Variants in LINC00632 observed in about 807,000 individuals in gnomAD.
The protein encoded by LINC00632 is long independently transcribed non-coding RNA 632.
chrX:140,726,300 C>G (rs1454871294), intron 2 of LINC00632, among the ~76,000 whole-genome samples: 2 of 111,206 alleles, frequency 1.8e-5, no homozygotes, highest in Non-Finnish European at 3.8e-5. Flanking sequence ...AACACATGGA[C>G]ACACCCAAAA....
exon 5 of LINC00632, among the ~76,000 whole-genome samples, chrX:140,790,682 T>C (rs1227808499): frequency 1.8e-5 from 2 of 111,308 alleles, no homozygotes; most frequent in Non-Finnish European, 3.8e-5. Context: ...TAACGAGGGA[T>C]CTGTCTCAAT....
intron 3 of LINC00632, among the ~76,000 whole-genome samples, chrX:140,740,327 T>A (rs760416966): frequency 3.3e-4 from 37 of 111,761 alleles, no homozygotes; most frequent in African/African-American, 1.2e-3. Context: ...GACTGAAGGG[T>A]CTAAGAAGGG....
intron 1 of LINC00632, chrX:140,711,552 G>T: frequency 3.7e-6 from 1 of 273,207 alleles, no homozygotes; most frequent in Admixed American, 4.8e-5. Context: ...TATTTTTGCT[G>T]TTATAAATAA....
intron 3 of LINC00632, among the ~76,000 whole-genome samples, chrX:140,756,863 A>G (rs1931503068): frequency 2.7e-5 from 3 of 111,320 alleles, no homozygotes; most frequent in South Asian, 7.7e-4. Flanking sequence ...CATTTTGACA[A>G]GTGTTTAGTG....
intron 2 of LINC00632, among the ~76,000 whole-genome samples, chrX:140,713,190 A>T (rs545997228): frequency 3.2e-4 from 35 of 108,496 alleles, no homozygotes; most frequent in South Asian, 1.6e-3. Flanking sequence ...TTTTTTTTTT[A>T]AATAAAGCTT....
At chrX:140,778,634 A>G (rs971159141) in exon 5 of LINC00632, among the ~76,000 whole-genome samples, 1 of 107,912 alleles carries the variant, frequency 9.3e-6, no homozygotes, top group Non-Finnish European at 2.0e-5. Flanking sequence ...AAAAAAAAAA[A>G]AGAACTGTTT....
chrX:140,711,259 A>G (rs1930509983), intron 1 of LINC00632, among the ~76,000 whole-genome samples: 1 of 111,675 alleles, frequency 9.0e-6, no homozygotes, highest in South Asian at 3.8e-4. Context: ...TATAAAAATT[A>G]CCCATAATCC....
chrX:140,769,602 TAATATC>T (rs1931755452), intron 3 of LINC00632, among the ~76,000 whole-genome samples: 1 of 111,224 alleles, frequency 9.0e-6, no homozygotes, highest in African/African-American at 3.3e-5. Flanking sequence ...ACCCTTTCGT[TAATATC>T]AAGACAGCTA....
chrX:140,729,877 C>CTTTTTTTTT (rs1207034823), intron 2 of LINC00632, among the ~76,000 whole-genome samples: 3 of 90,855 alleles, frequency 3.3e-5, no homozygotes, highest in Non-Finnish European at 6.5e-5. Flanking sequence ...TTTCTTTTTT[C>CTTTTTTTTT]TTTTTTTTTT....
chrX:140,718,838 C>A (rs1182321624), intron 2 of LINC00632, among the ~76,000 whole-genome samples: 2 of 112,134 alleles, frequency 1.8e-5, no homozygotes, highest in Non-Finnish European at 3.8e-5. Flanking sequence ...GAAACTCATT[C>A]ATGAAAAGAC....
At chrX:140,762,005 A>C in intron 3 of LINC00632, among the ~76,000 whole-genome samples, 1 of 111,838 alleles carries the variant, frequency 8.9e-6, no homozygotes, top group South Asian at 3.7e-4. Flanking sequence ...GCCAATGTTT[A>C]CACTCAGTTT....
intron 3 of LINC00632, among the ~76,000 whole-genome samples, chrX:140,748,406 T>C (rs1326334759): frequency 8.9e-6 from 1 of 111,986 alleles, no homozygotes; most frequent in African/African-American, 3.2e-5. Flanking sequence ...TTCACTTTAA[T>C]GGCTGCAGGT....
intron 1 of LINC00632, among the ~76,000 whole-genome samples, chrX:140,710,465 A>AC (rs1930492195): frequency 9.0e-6 from 1 of 111,325 alleles, no homozygotes; most frequent in Non-Finnish European, 1.9e-5. Context: ...CATTGGAAAA[A>AC]ATTAATTTGT....
At chrX:140,726,870 C>A (rs1314597786) in intron 2 of LINC00632, among the ~76,000 whole-genome samples, 1 of 111,944 alleles carries the variant, frequency 8.9e-6, no homozygotes, top group Admixed American at 9.6e-5. Flanking sequence ...CATCTGCTCA[C>A]ATTCTCAAAC....
At chrX:140,771,685 A>ATATT (rs1417040262) in intron 3 of LINC00632, among the ~76,000 whole-genome samples, 91 of 61,610 alleles carry the variant, frequency 1.5e-3, no homozygotes, top group African/African-American at 6.4e-3. Context: ...ATATATATAT[A>ATATT]TTTTTTTTTT....
intron 2 of LINC00632, among the ~76,000 whole-genome samples, chrX:140,715,360 C>T (rs1266786985): frequency 1.8e-5 from 2 of 111,333 alleles, no homozygotes; most frequent in African/African-American, 6.5e-5. Context: ...TTTGGGAGTC[C>T]GAGGCGGGCG....
In LINC00632 at chrX:140,743,876, T is replaced by C. The variant is rs1931282108; in HGVS notation, n.191+9912T>C. ...TTTTTAGGTGTTGCTACTGACTGTGTAGACCTGGGAATATCAGAAATTGCT... is the reference window on the plus strand; with the variant it reads ...TTTTTAGGTGTTGCTACTGACTGTGCAGACCTGGGAATATCAGAAATTGCT... On this transcript the variant is annotated intron_variant and non_coding_transcript_variant, in intron 3 of 4. Coordinates refer to ENST00000648200, the Ensembl canonical transcript of LINC00632. Among the ~76,000 whole-genome samples the C allele has an allele frequency of 1.8e-5, 2 of 111,628 alleles. 1 individual carries two copies. The highest frequency in any genetic ancestry group is 6.5e-5 in the African/African-American group (2 of 30,655).
At chrX:140,723,804 A>ATTC (rs751691203) in intron 2 of LINC00632, among the ~76,000 whole-genome samples, 1 of 759 alleles carries the variant, frequency 1.3e-3, no homozygotes, top group African/African-American at 4.2e-3. Flanking sequence ...ATACACACAC[A>ATTC]CATACACAGA....
At chrX:140,760,824 G>A (rs900098443) in intron 3 of LINC00632, among the ~76,000 whole-genome samples, 3 of 111,652 alleles carry the variant, frequency 2.7e-5, no homozygotes, top group African/African-American at 9.8e-5. Context: ...TGTCATGTCC[G>A]AGCTAGAGAG....
Sources: gnomAD v4.1 joint callset for allele counts (sites outside exome capture counted in the v4.1 genomes callset) on GRCh38, gnomAD v4.1.1 for gene constraint, MANE v1.5 for transcripts, NCBI Gene and HGNC (gene_info 2026-07-23, HGNC 2026-07-21) for gene names.